Variants in AGAP1 observed in about 807,000 individuals in gnomAD.
AGAP1 encodes the protein arf-GAP with GTPase, ANK repeat and PH domain-containing protein 1.
Under a neutral mutation model 105.3 loss-of-function variants are expected in AGAP1, and 29 were observed. The observed-to-expected ratio is 0.28, with a 90% CI of 0.21 to 0.38. AGAP1 has a LOEUF of 0.38. Ranked by LOEUF, AGAP1 falls within the 10% of genes least tolerant of loss-of-function variation. AGAP1 has a pLI of 1.00. For missense variants in AGAP1, 998 were observed against 1,165.1 expected (o/e 0.86, Z 2.09); for synonymous variants, 509 against 485.9 (o/e 1.05, Z -0.63).
chr2:235,664,368 C>A lies in AGAP1; in HGVS notation c.164-44811C>A, dbSNP rs1464234212. ...CTGGGATTACAGGTGCACACCACCA[C>A]GCCCAGCTAATTTTTTTTGTATTTT... On this transcript the variant is annotated intron_variant, in intron 1 of 17. Coordinates refer to ENST00000304032, the MANE Select transcript of AGAP1 (RefSeq NM_001037131.3). This position sits in a 1 kb window ranked among gnomAD's most constrained non-coding sequence, Gnocchi z 5.7. Among the ~76,000 whole-genome samples, 1 of 152,062 alleles carries A rather than the reference C, an allele frequency of 6.6e-6. No homozygotes were observed. The highest frequency in any genetic ancestry group is 1.9e-4 in the East Asian group (1 of 5,166).
chr2:236,084,277 C>T (rs1431392578), intron 16 of AGAP1, among the ~76,000 whole-genome samples: 8 of 152,070 alleles, frequency 5.3e-5, no homozygotes, highest in Non-Finnish European at 1.2e-4. Context: ...TCAGTCTTGA[C>T]GGCCAGCCCC....
rs1000190538 is a variant in AGAP1, at chr2:235,517,968, C to T, written c.163+23119C>T. On this transcript the variant is annotated intron_variant, in intron 1 of 17. Transcript: ENST00000304032. This position sits in a 1 kb window ranked among gnomAD's most constrained non-coding sequence, Gnocchi z 4.1. Reference sequence around the variant, plus strand: ...AAAAAGAAAAAAAAAAGGTAGAACTCATAGTTGCCATTGAGGTCTGAGTCC... The same window carrying T: ...AAAAAGAAAAAAAAAAGGTAGAACTTATAGTTGCCATTGAGGTCTGAGTCC... Among the ~76,000 whole-genome samples, 1 of 149,312 alleles carries T rather than the reference C, an allele frequency of 6.7e-6. No individual in the cohort carries two copies. Among genetic ancestry groups the T allele is most frequent in the African/African-American group, 2.5e-5 (1 of 40,418 alleles).
At position 235,612,506 on chromosome 2, in the gene AGAP1, A is replaced by G. The variant is rs1946162187; in HGVS notation, c.164-96673A>G. On this transcript the variant is annotated intron_variant, in intron 1 of 17. Coordinates refer to ENST00000304032, the MANE Select transcript of AGAP1 (RefSeq NM_001037131.3). The surrounding 1 kb of genome is among the most constrained non-coding windows in gnomAD (Gnocchi z 4.3). ...TGAATTGGTCTTTGCCTTTGTACTTATTCAAACTGACAAATACTTACTTAA... is the reference window on the plus strand; with the variant it reads ...TGAATTGGTCTTTGCCTTTGTACTTGTTCAAACTGACAAATACTTACTTAA... 1.3e-5 allele frequency among the ~76,000 whole-genome samples: 2 copies of G among 152,200 alleles called. No individual in the cohort carries two copies. The highest frequency in any genetic ancestry group is 1.3e-4 in the Admixed American group (2 of 15,278).
rs569327584 is a variant in AGAP1, at chr2:235,662,312, CTCAG to C, written c.164-46861_164-46858del. Among the ~76,000 whole-genome samples, 508 of 152,324 alleles carry C rather than the reference CTCAG, an allele frequency of 3.3e-3. 2 individuals carry two copies. Among genetic ancestry groups the C allele is most frequent in the African/African-American group, 0.012 (501 of 41,584 alleles). Reference sequence around the variant, plus strand: ...TGTCTGTGCAGGCTGCCTCTGATCCCTCAGTCAGTGTGCAGAGCTGAGCTGATGA... The same window carrying C: ...TGTCTGTGCAGGCTGCCTCTGATCCCTCAGTGTGCAGAGCTGAGCTGATGA... On this transcript the variant is annotated intron_variant, in intron 1 of 17. Coordinates refer to ENST00000304032, the MANE Select transcript of AGAP1 (RefSeq NM_001037131.3). The surrounding 1 kb of genome is among the most constrained non-coding windows in gnomAD (Gnocchi z 4.2).
rs911562247 is a variant in AGAP1, at chr2:235,596,172, A to C, written c.163+101323A>C. Among the ~76,000 whole-genome samples, 1 of 152,234 alleles carries C rather than the reference A, an allele frequency of 6.6e-6. No individual in the cohort carries two copies. The highest frequency in any genetic ancestry group is 6.5e-5 in the Admixed American group (1 of 15,288). Reference sequence around the variant, plus strand: ...CATGTCAAGTCTAAGTGGCACAGCTATCCATGAACACTGTAAACATTCCCA... The same window carrying C: ...CATGTCAAGTCTAAGTGGCACAGCTCTCCATGAACACTGTAAACATTCCCA... On this transcript the variant is annotated intron_variant, in intron 1 of 17. Coordinates refer to ENST00000304032, the MANE Select transcript of AGAP1 (RefSeq NM_001037131.3). The surrounding 1 kb of genome is among the most constrained non-coding windows in gnomAD (Gnocchi z 5.9).
At chr2:235,500,323 T>C (rs1941507174) in intron 1 of AGAP1, among the ~76,000 whole-genome samples, 1 of 151,876 alleles carries the variant, frequency 6.6e-6, no homozygotes. Flanking sequence ...TGAGGGCTGA[T>C]GGAAACAGAT....
In AGAP1 at chr2:235,729,907, G is replaced by C. The variant is rs1406048640; in HGVS notation, c.311-11056G>C. On this transcript the variant is annotated intron_variant, in intron 3 of 17. Coordinates refer to ENST00000304032, the MANE Select transcript of AGAP1 (RefSeq NM_001037131.3). This position sits in a 1 kb window ranked among gnomAD's most constrained non-coding sequence, Gnocchi z 5.0. ...AACAAAGAAGGATACAACATGCAAG[G>C]CCTAAAATGTTTACTTTCTGGCCTT... Among the ~76,000 whole-genome samples, 2 of 152,030 alleles carry C rather than the reference G, an allele frequency of 1.3e-5. No individual in the cohort carries two copies. Among genetic ancestry groups the C allele is most frequent in the Admixed American group, 1.3e-4 (2 of 15,274 alleles).
chr2:235,642,218 T>C lies in AGAP1; in HGVS notation c.164-66961T>C, dbSNP rs1472632819. On this transcript the variant is annotated intron_variant, in intron 1 of 17. Coordinates refer to ENST00000304032, the MANE Select transcript of AGAP1 (RefSeq NM_001037131.3). This position sits in a 1 kb window ranked among gnomAD's most constrained non-coding sequence, Gnocchi z 4.1. ...TCCCAAGTCTTGCTAGCTCGTGGCA[T>C]GTGCAATGGGATCTCTTTCCTGAGT... Among the ~76,000 whole-genome samples, 1 of 152,218 alleles carries C rather than the reference T, an allele frequency of 6.6e-6. No individual in the cohort carries two copies. Among genetic ancestry groups the C allele is most frequent in the Non-Finnish European group, 1.5e-5 (1 of 68,036 alleles).
chr2:236,115,821 T>TTTTG (rs1332570336), intron 16 of AGAP1, among the ~76,000 whole-genome samples: 1 of 152,164 alleles, frequency 6.6e-6, no homozygotes, highest in African/African-American at 2.4e-5. Context: ...TTTTGTTTTG[T>TTTTG]TTAGACAGAG....
intron 8 of AGAP1, among the ~76,000 whole-genome samples, chr2:235,806,064 T>C (rs1015229249): frequency 6.6e-6 from 1 of 152,204 alleles, no homozygotes; most frequent in African/African-American, 2.4e-5. Context: ...GAATCCTAAA[T>C]GCGTCCCATC....
intron 16 of AGAP1, among the ~76,000 whole-genome samples, chr2:236,059,431 C>T (rs1208333555): frequency 6.6e-6 from 1 of 152,146 alleles, no homozygotes; most frequent in Non-Finnish European, 1.5e-5. Context: ...AGAATCTCAG[C>T]TGCCTGTTTT....
chr2:235,730,508 G>T (rs1264311650), intron 3 of AGAP1, among the ~76,000 whole-genome samples: 1 of 148,494 alleles, frequency 6.7e-6, no homozygotes, highest in East Asian at 2.0e-4. Flanking sequence ...ACGAGACAAG[G>T]TCTCACTCTG....
Position 235,971,792 on chromosome 2 carries a change from T to A in AGAP1, c.1645+3169T>A, listed in dbSNP as rs1175542149. Among the ~76,000 whole-genome samples the A allele has an allele frequency of 6.8e-6, 1 of 146,032 alleles. No homozygotes were observed. Among genetic ancestry groups the A allele is most frequent in the African/African-American group, 2.7e-5 (1 of 37,638 alleles). On this transcript the variant is annotated intron_variant, in intron 13 of 17. Transcript: ENST00000304032. This position sits in a 1 kb window ranked among gnomAD's most constrained non-coding sequence, Gnocchi z 4.8. ...TTATTTATTTATTTATTTATTGTAT[T>A]TTTTGAGACAGGTCCTCGCTCTGTC...
chr2:235,723,680 G>A lies in AGAP1; in HGVS notation c.310+6036G>A, dbSNP rs1951500927. On this transcript the variant is annotated intron_variant, in intron 3 of 17. Coordinates refer to ENST00000304032, the MANE Select transcript of AGAP1 (RefSeq NM_001037131.3). The surrounding 1 kb of genome is among the most constrained non-coding windows in gnomAD (Gnocchi z 6.2). ...AAGCCAGCACCACGCTGAGATCGTGGCACACCTGAGGAGGGCAGAAAGGTG... is the reference window on the plus strand; with the variant it reads ...AAGCCAGCACCACGCTGAGATCGTGACACACCTGAGGAGGGCAGAAAGGTG... Among the ~76,000 whole-genome samples, 1 of 152,210 alleles carries A rather than the reference G, an allele frequency of 6.6e-6. No individual in the cohort carries two copies. The highest frequency in any genetic ancestry group is 2.1e-4 in the South Asian group (1 of 4,830).
At chr2:235,528,638 C>G (rs1038174844) in intron 1 of AGAP1, among the ~76,000 whole-genome samples, 1 of 152,148 alleles carries the variant, frequency 6.6e-6, no homozygotes, top group African/African-American at 2.4e-5. Context: ...GACCATACCT[C>G]TCCAGCCTTC....
intron 1 of AGAP1, among the ~76,000 whole-genome samples, chr2:235,532,996 G>GA (rs772119046): frequency 2.1e-4 from 32 of 150,596 alleles, no homozygotes; most frequent in Non-Finnish European, 2.2e-4. Context: ...TGTTTGAAGG[G>GA]AAAAAAAAAT....
Position 235,865,398 on chromosome 2 carries a change from C to G in AGAP1, c.1051-17947C>G, listed in dbSNP as rs773676392. On this transcript the variant is annotated intron_variant, in intron 9 of 17. Transcript: ENST00000304032. This position sits in a 1 kb window ranked among gnomAD's most constrained non-coding sequence, Gnocchi z 6.2. ...CGCAAATAGGGCACCCACAGTAACA[C>G]GTGTGGCGCCGACCCCGCCGTGCGC... Among the ~76,000 whole-genome samples, 1 of 152,212 alleles carries G rather than the reference C, an allele frequency of 6.6e-6. No individual in the cohort carries two copies. The highest frequency in any genetic ancestry group is 2.4e-5 in the African/African-American group (1 of 41,452).
At chr2:235,773,755 T>A (rs565601787) in intron 6 of AGAP1, 69 of 367,208 alleles carry the variant, frequency 1.9e-4, no homozygotes, top group African/African-American at 1.3e-3. Context: ...TTTCCTGAGA[T>A]GGGGGCTGGT....
chr2:235,844,041 A>G (rs1234984180), intron 9 of AGAP1, among the ~76,000 whole-genome samples: 1 of 151,996 alleles, frequency 6.6e-6, no homozygotes. Flanking sequence ...AGGACCACCC[A>G]GGCTCAGTCT....
Sources: allele counts gnomAD v4.1 joint callset (sites outside exome capture counted in the v4.1 genomes callset), GRCh38; gene constraint gnomAD v4.1.1; non-coding constraint Gnocchi (gnomAD v3.1); transcripts MANE v1.5; gene names NCBI Gene and HGNC (gene_info 2026-07-23, HGNC 2026-07-21).